Variants in KATNA1 observed in about 807,000 individuals in gnomAD.
KATNA1 encodes katanin catalytic subunit A1.
Under a neutral mutation model 62.6 loss-of-function variants are expected in KATNA1, and 42 were observed. That is an observed-to-expected ratio of 0.67 (90% CI 0.52 to 0.87). The LOEUF is 0.87. KATNA1 is among the 40% of genes least tolerant of loss of function. The pLI is 0.00. For synonymous variants in KATNA1, 186 were observed against 201.9 expected (o/e 0.92, Z 0.67); for missense variants, 498 against 612.5 (o/e 0.81, Z 1.97).
At chr6:149,622,123 G>GA (rs1562292320) in intron 4 of KATNA1, among the ~76,000 whole-genome samples, 4 of 113,682 alleles carry the variant, frequency 3.5e-5, no homozygotes, top group Non-Finnish European at 4.8e-5. Context: ...TGATAACTGT[G>GA]TTTTTTTTGT....
rs537314511 is a variant in KATNA1 at position 149,646,597 on chromosome 6, C to T, written c.-14+1872G>A. ...TACAGCATGGCATACATTTTTCTTA[C>T]CTTTATAACCATCATATGATAAATA... On this transcript the variant is annotated intron_variant, in intron 1 of 10. Transcript: ENST00000367411. 2.6e-5 allele frequency among the ~76,000 whole-genome samples: 4 copies of T among 152,112 alleles called. No homozygotes were observed. The South Asian group carries it at 6.2e-4, about 24-fold the overall frequency.
At chr6:149,614,289 A>G (rs1308878531) in intron 4 of KATNA1, among the ~76,000 whole-genome samples, 1 of 152,168 alleles carries the variant, frequency 6.6e-6, no homozygotes, top group African/African-American at 2.4e-5. Context: ...TCACAGGGGC[A>G]GCTATGGTTG....
At chr6:149,633,501 T>C (rs11155669) in intron 2 of KATNA1, among the ~76,000 whole-genome samples, 69,453 of 151,460 alleles carry the variant, frequency 0.46, 17,149 homozygotes, top group East Asian at 0.81. Context: ...GAGGCTGAGG[T>C]AGATGGATCA....
intron 10 of KATNA1, among the ~76,000 whole-genome samples, chr6:149,595,672 A>C (rs990207968): frequency 1.8e-4 from 27 of 152,272 alleles, no homozygotes; most frequent in African/African-American, 4.3e-4. Flanking sequence ...AAAAAAAAAA[A>C]ACAAAACTTC....
intron 1 of KATNA1, among the ~76,000 whole-genome samples, chr6:149,647,184 G>A (rs1190173974): frequency 6.6e-6 from 1 of 151,372 alleles, no homozygotes; most frequent in African/African-American, 2.4e-5. Context: ...GCCACAACTT[G>A]TTAATGTTAA....
intron 1 of KATNA1, among the ~76,000 whole-genome samples, chr6:149,644,142 C>T (rs1262854308): frequency 6.6e-6 from 1 of 152,086 alleles, no homozygotes; most frequent in Non-Finnish European, 1.5e-5. Flanking sequence ...CCATGCCCTA[C>T]AGAGACACCT....
chr6:149,620,002 G>A (rs780742482), intron 4 of KATNA1, among the ~76,000 whole-genome samples: 7 of 152,090 alleles, frequency 4.6e-5, no homozygotes, highest in Non-Finnish European at 7.4e-5. Flanking sequence ...GAAATACTAC[G>A]TAACCACAAA....
chr6:149,619,807 C>G (rs1477291708), intron 4 of KATNA1, among the ~76,000 whole-genome samples: 1 of 151,918 alleles, frequency 6.6e-6, no homozygotes, highest in Non-Finnish European at 1.5e-5. Context: ...TTGGATATAC[C>G]CAGAATCAGG....
intron 3 of KATNA1, among the ~76,000 whole-genome samples, chr6:149,627,104 AAAG>A (rs1319764134): frequency 6.6e-6 from 1 of 151,784 alleles, no homozygotes; most frequent in Admixed American, 6.6e-5. Context: ...CAAGAAGAAT[AAAG>A]AAGGGGGCCA....
chr6:149,597,302 A>G (rs1429420059), intron 9 of KATNA1, 113 bp from the exon 10 acceptor site: 10 of 1,281,862 alleles, frequency 7.8e-6, no homozygotes, highest in South Asian at 1.5e-5. Context: ...TGGATCTCTA[A>G]GAAGAGATAA....
chr6:149,621,338 A>G lies in KATNA1; in HGVS notation c.501+1765T>C, dbSNP rs554472703. ...ACGGGGATTCACCGTGTTAGCCAGG[A>G]TGGTCTCGATCTCCTGACCTCGTGA... On this transcript the variant is annotated intron_variant, in intron 4 of 10. Transcript: ENST00000367411. Among the ~76,000 whole-genome samples, 16 of 151,236 alleles carry G rather than the reference A, an allele frequency of 1.1e-4. No homozygotes were observed. The East Asian group carries it at 3.1e-3, about 30-fold the overall frequency.
At chr6:149,621,518 A>T (rs1562291993) in intron 4 of KATNA1, among the ~76,000 whole-genome samples, 1 of 150,080 alleles carries the variant, frequency 6.7e-6, no homozygotes, top group African/African-American at 2.5e-5. Context: ...TTTGAGACTG[A>T]GTCTCGCTCT....
chr6:149,596,244 T>C (rs985150823), intron 10 of KATNA1, among the ~76,000 whole-genome samples: 2 of 152,148 alleles, frequency 1.3e-5, no homozygotes, highest in East Asian at 1.9e-4. Flanking sequence ...GACTACAAAA[T>C]GTATGTGGGG....
chr6:149,623,382 GCAA>G, intron 3 of KATNA1, 99 bp from the exon 4 acceptor site: 2 of 769,966 alleles, frequency 2.6e-6, no homozygotes, highest in Non-Finnish European at 3.9e-6. Context: ...AGAAGCCAAT[GCAA>G]CAACTGAACA....
At position 149,634,742 on chromosome 6, in the gene KATNA1, T is replaced by C. The variant is rs151079463; in HGVS notation, c.163-1826A>G. Among the ~76,000 whole-genome samples, 53 of 152,310 alleles carry C rather than the reference T, an allele frequency of 3.5e-4. 1 individual carries two copies. Among genetic ancestry groups the C allele is most frequent in the African/African-American group, 1.2e-3 (50 of 41,574 alleles). On this transcript the variant is annotated intron_variant, in intron 2 of 10. Coordinates refer to ENST00000367411, the MANE Select transcript of KATNA1 (RefSeq NM_007044.4). ...ATTAATCCCAATTACCCTGATTTGA[T>C]CATTAGATATTGTATACAGGAATCA...
intron 4 of KATNA1, among the ~76,000 whole-genome samples, chr6:149,614,647 A>C (rs776367989): frequency 1.3e-5 from 2 of 152,074 alleles, no homozygotes; most frequent in African/African-American, 2.4e-5. Context: ...GGAGGTGTAC[A>C]CCTGTAGTCC....
intron 3 of KATNA1, among the ~76,000 whole-genome samples, chr6:149,631,168 G>A (rs1315800304): frequency 2.6e-5 from 4 of 152,178 alleles, no homozygotes; most frequent in African/African-American, 7.2e-5. Flanking sequence ...AGGAGGCCAA[G>A]GTGGGTGAAT....
Position 149,597,494 on chromosome 6 carries a change from G to T in KATNA1, c.1150+13C>A, listed in dbSNP as rs1320887177. 1 of 1,611,788 alleles carries T rather than the reference G, an allele frequency of 6.2e-7. No individual in the cohort carries two copies. Among genetic ancestry groups the T allele is most frequent in the Admixed American group, 1.7e-5 (1 of 59,460 alleles). ...AGTTAACAGGCTTTCTGACAAGATT[G>T]AAAGGAAGATACCTGACGGCAAAGG... On this transcript the variant is annotated intron_variant, in intron 9 of 10. Transcript: ENST00000367411.
intron 1 of KATNA1, 129 bp from the exon 2 acceptor site, chr6:149,638,689 T>C (rs1396172510): frequency 9.7e-5 from 52 of 534,934 alleles, no homozygotes; most frequent in East Asian, 3.0e-5. Flanking sequence ...CCCATCTCTA[T>C]ATGTGTGCTC....
Sources: allele counts gnomAD v4.1 joint callset (sites outside exome capture counted in the v4.1 genomes callset), GRCh38; gene constraint gnomAD v4.1.1; transcripts MANE v1.5; gene names NCBI Gene and HGNC (gene_info 2026-07-23, HGNC 2026-07-21).